AFF3: variants seen among roughly 807,000 people sequenced by gnomAD.
AFF3 encodes AF4/FMR2 family member 3.
Under a neutral mutation model 129.7 loss-of-function variants are expected in AFF3, and 32 were observed. That is an observed-to-expected ratio of 0.25 (90% confidence interval 0.19 to 0.33). AFF3 has a LOEUF of 0.33. Among genes scored for constraint, AFF3 ranks in the 10% least tolerant of loss-of-function variants. The pLI is 1.00. For synonymous variants in AFF3, 644 were observed against 635.4 expected, an observed-to-expected ratio of 1.01 and a Z score of -0.20; for missense variants, 1,373 against 1,592.0, an observed-to-expected ratio of 0.86 and a Z score of 2.34.
chr2:99,688,823 T>C (rs987568441), intron 11 of AFF3, among the ~76,000 whole-genome samples: 3 of 152,176 alleles, frequency 2.0e-5, no homozygotes, highest in African/African-American at 4.8e-5. Flanking sequence ...CTCGAGCTCA[T>C]ATTTTATCTC....
At chr2:99,694,368 G>T (rs1675976401) in intron 11 of AFF3, among the ~76,000 whole-genome samples, 1 of 152,100 alleles carries the variant, frequency 6.6e-6, no homozygotes, top group South Asian at 2.1e-4. Context: ...GGGCACATTT[G>T]GTGTGAGCTA....
intron 7 of AFF3, among the ~76,000 whole-genome samples, chr2:99,843,081 A>T (rs540665340): frequency 6.6e-6 from 1 of 152,350 alleles, no homozygotes; most frequent in East Asian, 1.9e-4. Context: ...TTTTTAAATC[A>T]ATCTATTCTT....
At chr2:100,067,272 AT>A (rs1046144328) in intron 4 of AFF3, among the ~76,000 whole-genome samples, 1 of 151,848 alleles carries the variant, frequency 6.6e-6, no homozygotes, top group Non-Finnish European at 1.5e-5. Flanking sequence ...TAGAAAGCTT[AT>A]TTTTTCCAGT....
intron 8 of AFF3, among the ~76,000 whole-genome samples, chr2:99,769,543 G>T (rs1006654124): frequency 1.3e-5 from 2 of 152,166 alleles, no homozygotes; most frequent in Non-Finnish European, 2.9e-5. Flanking sequence ...CCTGGATGAT[G>T]TTGATGCTTG....
chr2:99,977,360 CCTGT>C (rs1460225361), intron 7 of AFF3, among the ~76,000 whole-genome samples: 1 of 152,206 alleles, frequency 6.6e-6, no homozygotes, highest in Non-Finnish European at 1.5e-5. Flanking sequence ...AAGGCCTGCT[CCTGT>C]CTGAGGCTGA....
chr2:100,049,876 T>C (rs950786367), intron 4 of AFF3, among the ~76,000 whole-genome samples: 2 of 152,178 alleles, frequency 1.3e-5, no homozygotes, highest in Non-Finnish European at 2.9e-5. Flanking sequence ...TACTGCCCTA[T>C]TCTGAATGTA....
chr2:99,925,741 T>G (rs1355872473), intron 7 of AFF3, among the ~76,000 whole-genome samples: 4 of 152,128 alleles, frequency 2.6e-5, no homozygotes, highest in African/African-American at 9.7e-5. Context: ...GCAGGTAGAG[T>G]GCAGGGATGC....
rs1680371297 is a variant in AFF3, at chr2:99,737,664, A to AT, written c.1039+6439dup. On this transcript the variant is annotated intron_variant, in intron 10 of 24. Transcript: ENST00000672756. ...TTTTTTTTTTTCATTTATCCTTGGT[A>AT]TTCACTGGGTTTCTTGACTCTGTGG... Among the ~76,000 whole-genome samples the AT allele has an allele frequency of 2.7e-5, 4 of 148,698 alleles. No individual in the cohort carries two copies. The Admixed American group carries it at 2.7e-4, about 10-fold the overall frequency.
chr2:100,104,587 C>A, intron 3 of AFF3, 69 bp from the exon 4 acceptor site: 2 of 1,026,136 alleles, frequency 1.9e-6, no homozygotes, highest in Non-Finnish European at 2.3e-6. Flanking sequence ...GCCCACCGCC[C>A]ACCCCCAGGT....
intron 7 of AFF3, among the ~76,000 whole-genome samples, chr2:100,001,921 C>T (rs978566424): frequency 2.0e-5 from 3 of 152,356 alleles, no homozygotes; most frequent in Admixed American, 6.5e-5. Context: ...TACAGGCACT[C>T]CACGTTCTAA....
At position 99,594,194 on chromosome 2, in the gene AFF3, G is replaced by A. The variant is rs1368744567; in HGVS notation, c.1467C>T (p.His489=). Reference sequence around the variant, plus strand: ...TGTAGTACTGATTGCTCTCTGACCCGTGGCTTTCATTTTGGATCAGAATAG... The same window carrying A: ...TGTAGTACTGATTGCTCTCTGACCCATGGCTTTCATTTTGGATCAGAATAG... ...KPPILIQNES[H]GSESNQYYNP... is the part of the protein sequence containing the mutation. The change falls in exon 15 of 25, where the codon CAC becomes CAT. Residue 489 remains histidine, a synonymous_variant. Transcript: ENST00000672756. 1.2e-6 allele frequency: 2 copies of A among 1,614,048 alleles called. No homozygotes were observed. The highest frequency in any genetic ancestry group is 1.7e-6 in the Non-Finnish European group (2 of 1,179,964).
At chr2:99,693,823 TC>T (rs1443471558) in intron 11 of AFF3, among the ~76,000 whole-genome samples, 1 of 152,212 alleles carries the variant, frequency 6.6e-6, no homozygotes, top group Non-Finnish European at 1.5e-5. Context: ...CCCAAACACT[TC>T]TTTTATTTCC....
At chr2:99,672,618 A>T (rs1192895405) in intron 11 of AFF3, 29 bp from the exon 12 acceptor site, 2 of 1,607,136 alleles carry the variant, frequency 1.2e-6, no homozygotes, top group Non-Finnish European at 8.5e-7. Flanking sequence ...AGGTACAAAG[A>T]GGTACAGATA....
At chr2:99,552,246 C>G (rs1009374023) in intron 24 of AFF3, among the ~76,000 whole-genome samples, 2 of 152,078 alleles carry the variant, frequency 1.3e-5, no homozygotes, top group Non-Finnish European at 2.9e-5. Flanking sequence ...AAACATTAGC[C>G]AGGTGTGGTG....
chr2:99,904,401 A>T (rs1267621948), intron 7 of AFF3, among the ~76,000 whole-genome samples: 3 of 152,038 alleles, frequency 2.0e-5, no homozygotes, highest in Non-Finnish European at 4.4e-5. Context: ...GGTTAAATTT[A>T]GAGTTCGGAA....
chr2:99,885,531 C>A (rs1407378748), intron 7 of AFF3, among the ~76,000 whole-genome samples: 4 of 152,200 alleles, frequency 2.6e-5, no homozygotes, highest in African/African-American at 7.2e-5. Flanking sequence ...TACTTTCAAT[C>A]AAGGAATCAT....
At chr2:100,137,804 G>A (rs957611514) in intron 1 of AFF3, among the ~76,000 whole-genome samples, 2 of 152,190 alleles carry the variant, frequency 1.3e-5, no homozygotes. Flanking sequence ...GGACTCAGAA[G>A]ATGTCCATAA....
At chr2:100,020,869 G>A (rs11675333) in intron 4 of AFF3, among the ~76,000 whole-genome samples, 20,852 of 152,114 alleles carry the variant, frequency 0.14, 1,678 homozygotes, top group South Asian at 0.2. Context: ...CAGCCCAATC[G>A]TTCCTCCCCC....
intron 2 of AFF3, among the ~76,000 whole-genome samples, chr2:100,107,986 C>T (rs1253471023): frequency 1.3e-5 from 2 of 151,094 alleles, no homozygotes; most frequent in African/African-American, 4.8e-5. Flanking sequence ...AAAAATATGT[C>T]TGGCCAAAAG....
Sources: allele counts gnomAD v4.1 joint callset (sites outside exome capture counted in the v4.1 genomes callset), GRCh38; gene constraint gnomAD v4.1.1; transcripts MANE v1.5; gene names NCBI Gene and HGNC (gene_info 2026-07-23, HGNC 2026-07-21).